ZNF385D: variants seen among roughly 807,000 people sequenced by gnomAD.
ZNF385D encodes zinc finger protein 659.
Under a neutral mutation model 35.8 loss-of-function variants are expected in ZNF385D, and 15 were observed. That is an observed-to-expected ratio of 0.42 (90% CI 0.28 to 0.64). ZNF385D has a LOEUF of 0.64. Among genes scored for constraint, ZNF385D ranks in the 30% least tolerant of loss-of-function variants. The pLI, the probability that ZNF385D is intolerant of heterozygous loss-of-function variation, is 0.23. For missense variants in ZNF385D, 474 were observed against 494.6 expected, an observed-to-expected ratio of 0.96 and a Z score of 0.39; for synonymous variants, 212 against 186.8, an observed-to-expected ratio of 1.13 and a Z score of -1.10.
At chr3:22,095,206 T>C (rs1392026737) in intron 3 of ZNF385D, among the ~76,000 whole-genome samples, 2 of 150,732 alleles carry the variant, frequency 1.3e-5, no homozygotes. Context: ...TGATTACAGG[T>C]GTGAACGATA....
chr3:21,908,399 A>T (rs1467434472), intron 3 of ZNF385D, among the ~76,000 whole-genome samples: 1 of 152,120 alleles, frequency 6.6e-6, no homozygotes, highest in Non-Finnish European at 1.5e-5. Context: ...TATACTATTC[A>T]TTCATACCAA....
At position 21,415,475 on chromosome 3, in the gene ZNF385D, T is replaced by G. The variant is rs887965927; in HGVS notation, c.*5739A>C. On this transcript the variant is annotated 3_prime_UTR_variant, in exon 8 of 8. Coordinates refer to ENST00000281523, the MANE Select transcript of ZNF385D (RefSeq NM_024697.3). ...CCCCAAAATGATTAAGACTCCCAAG[T>G]GTGACATTGGAGTTCCTTTTGTTAA... 6 of 152,092 alleles carry G rather than the reference T, an allele frequency of 3.9e-5. No homozygotes were observed. Among genetic ancestry groups the G allele is most frequent in the Non-Finnish European group, 5.9e-5 (4 of 67,986 alleles). The allele number at this position is 152,092 out of a possible 1,614,324, so 9.4% of individuals were successfully genotyped here. A position where few individuals can be genotyped will look rare whatever the true frequency, so the allele number is the denominator to read the frequency against.
At chr3:21,918,878 C>G (rs1402126131) in intron 3 of ZNF385D, among the ~76,000 whole-genome samples, 1 of 152,158 alleles carries the variant, frequency 6.6e-6, no homozygotes, top group East Asian at 1.9e-4. Flanking sequence ...TATCTTCTGA[C>G]TCATCCTTTG....
intron 2 of ZNF385D, among the ~76,000 whole-genome samples, chr3:22,295,863 T>C (rs1398404683): frequency 6.6e-6 from 1 of 152,088 alleles, no homozygotes; most frequent in African/African-American, 2.4e-5. Context: ...CCCCTCCCAA[T>C]GGCATTGTTG....
intron 3 of ZNF385D, among the ~76,000 whole-genome samples, chr3:21,896,783 G>A (rs915480722): frequency 6.6e-6 from 1 of 151,848 alleles, no homozygotes; most frequent in African/African-American, 2.4e-5. Context: ...ATTCGCACTA[G>A]GTTCTGTGTT....
At chr3:21,714,857 CATG>C (rs1272015030) in intron 1 of ZNF385D, among the ~76,000 whole-genome samples, 6 of 152,060 alleles carry the variant, frequency 3.9e-5, no homozygotes, top group Admixed American at 6.6e-5. Flanking sequence ...TGATATATAG[CATG>C]ATATTATAAG....
In ZNF385D at chr3:22,164,216, C is replaced by CTTT. The variant is rs571978176; in HGVS notation, c.325+4598_325+4600dup. 3.1e-3 allele frequency among the ~76,000 whole-genome samples: 231 copies of CTTT among 74,936 alleles called. 24 individuals are homozygous for CTTT. The highest frequency in any genetic ancestry group is 0.01 in the East Asian group (18 of 1,738). 49.2% of individuals were successfully genotyped at this position (74,936 alleles called of 152,430 possible). ...CACTATAGGTAATACAAAAGGAGCA[C>CTTT]TTTTTTTTTTTTTTTTTTTTTTTTT... On this transcript the variant is annotated intron_variant, in intron 3 of 5. Coordinates refer to the ZNF385D transcript ENST00000494108.
chr3:22,004,489 G>C (rs1244898705), intron 3 of ZNF385D, among the ~76,000 whole-genome samples: 2 of 152,124 alleles, frequency 1.3e-5, no homozygotes, highest in Non-Finnish European at 2.9e-5. Flanking sequence ...ACGGAGTAAA[G>C]AGACAACCTG....
chr3:22,148,291 T>A (rs1704992733), intron 3 of ZNF385D, among the ~76,000 whole-genome samples: 2 of 152,208 alleles, frequency 1.3e-5, no homozygotes, highest in Admixed American at 6.5e-5. Context: ...GTCTTATACT[T>A]AAGTAGATTT....
intron 3 of ZNF385D, among the ~76,000 whole-genome samples, chr3:21,933,040 G>A (rs1559767465): frequency 6.6e-6 from 1 of 152,162 alleles, no homozygotes; most frequent in Non-Finnish European, 1.5e-5. Flanking sequence ...ACCCAAGAGA[G>A]ACAGCGGAAA....
chr3:21,837,061 A>AT (rs1415611937), intron 3 of ZNF385D, among the ~76,000 whole-genome samples: 1 of 152,112 alleles, frequency 6.6e-6, no homozygotes, highest in Non-Finnish European at 1.5e-5. Flanking sequence ...TGTATCCTTA[A>AT]AGCTCTTTAA....
chr3:21,753,188 C>T (rs917982374), upstream of ZNF385D, among the ~76,000 whole-genome samples: 1 of 152,158 alleles, frequency 6.6e-6, no homozygotes, highest in African/African-American at 2.4e-5. Flanking sequence ...ACAGATGTCA[C>T]AAATGAAGAA....
chr3:21,685,562 T>C (rs1252922640), intron 1 of ZNF385D, among the ~76,000 whole-genome samples: 1 of 152,192 alleles, frequency 6.6e-6, no homozygotes, highest in Non-Finnish European at 1.5e-5. Flanking sequence ...GCACATGCGG[T>C]CTTGCTCCAA....
At chr3:22,099,474 G>A (rs368211963) in intron 3 of ZNF385D, among the ~76,000 whole-genome samples, 1 of 152,168 alleles carries the variant, frequency 6.6e-6, no homozygotes, top group Non-Finnish European at 1.5e-5. Flanking sequence ...TTGTCTCAAA[G>A]TCTTGCTATA....
rs549364214 is a variant in ZNF385D at position 21,412,535 on chromosome 3, T to C, written c.*8679A>G. Reference sequence around the variant, plus strand: ...GAAGAGAGGAAAATAAGCAACCATTTTGATTCCACAAACCAAGCGAAGAAT... The same window carrying C: ...GAAGAGAGGAAAATAAGCAACCATTCTGATTCCACAAACCAAGCGAAGAAT... On this transcript the variant is annotated 3_prime_UTR_variant, in exon 8 of 8. Coordinates refer to ENST00000281523, the MANE Select transcript of ZNF385D (RefSeq NM_024697.3). The C allele has an allele frequency of 3.3e-4, 50 of 152,174 alleles. 1 individual carries two copies. Among genetic ancestry groups the C allele is most frequent in the African/African-American group, 1.1e-3 (47 of 41,538 alleles). 9.4% of individuals were successfully genotyped at this position (152,174 alleles called of 1,614,324 possible). A position where few individuals can be genotyped will look rare whatever the true frequency, so the allele number is the denominator to read the frequency against.
chr3:21,468,471 G>A (rs936097980), intron 4 of ZNF385D, among the ~76,000 whole-genome samples: 2 of 149,878 alleles, frequency 1.3e-5, no homozygotes, highest in African/African-American at 4.9e-5. Context: ...AGCACCTCTG[G>A]AAAGCAACCC....
chr3:22,168,136 T>C (rs1179660916), intron 3 of ZNF385D, among the ~76,000 whole-genome samples: 3 of 152,200 alleles, frequency 2.0e-5, no homozygotes, highest in Admixed American at 6.5e-5. Flanking sequence ...CAATATAATA[T>C]TGTAACTCAA....
intron 2 of ZNF385D, among the ~76,000 whole-genome samples, chr3:22,315,114 T>C (rs1703813538): frequency 6.6e-6 from 1 of 151,718 alleles, no homozygotes. Flanking sequence ...GAACGTAAAA[T>C]CAGGGGTACA....
At chr3:21,756,411 G>C (rs2070344247) in intron 3 of ZNF385D, among the ~76,000 whole-genome samples, 1 of 152,130 alleles carries the variant, frequency 6.6e-6, no homozygotes, top group Non-Finnish European at 1.5e-5. Context: ...GGGGAGGTTA[G>C]AAGGTGGTCA....
Sources: gnomAD v4.1 joint callset for allele counts (sites outside exome capture counted in the v4.1 genomes callset) on GRCh38, gnomAD v4.1.1 for gene constraint, MANE v1.5 for transcripts, NCBI Gene and HGNC (gene_info 2026-07-23, HGNC 2026-07-21) for gene names.